Variants in KIAA0232 observed in about 807,000 individuals in gnomAD.
The protein encoded by KIAA0232 is uncharacterized protein KIAA0232.
Under a neutral mutation model 122.0 loss-of-function variants are expected in KIAA0232, and 27 were observed. That is an observed-to-expected ratio of 0.22 (90% CI 0.16 to 0.31). The LOEUF (loss-of-function observed/expected upper bound fraction) is 0.31. Ranked by LOEUF, KIAA0232 falls within the 10% of genes least tolerant of loss-of-function variation. The pLI is 1.00. For missense variants in KIAA0232, 1,551 were observed against 1,634.2 expected (o/e 0.95, Z 0.88); for synonymous variants, 613 against 587.6 (o/e 1.04, Z -0.63).
At chr4:6,856,325 G>A (rs1426845901) in intron 4 of KIAA0232, among the ~76,000 whole-genome samples, 1 of 152,114 alleles carries the variant, frequency 6.6e-6, no homozygotes, top group African/African-American at 2.4e-5. Context: ...TTTGGTCACT[G>A]AATAAATCTA....
chr4:6,864,291 T>G, intron 7 of KIAA0232, 108 bp downstream of exon 7: 1 of 1,204,198 alleles, frequency 8.3e-7, no homozygotes, highest in Non-Finnish European at 1.2e-6. Flanking sequence ...GGAAATTAGC[T>G]TAAATGTCTT....
At chr4:6,842,853 T>C (rs1009847126) in intron 4 of KIAA0232, among the ~76,000 whole-genome samples, 6 of 152,126 alleles carry the variant, frequency 3.9e-5, no homozygotes, top group African/African-American at 1.4e-4. Context: ...CCTCCCAAAG[T>C]GCTGAGATTA....
chr4:6,856,166 G>C (rs1296147239), intron 4 of KIAA0232, among the ~76,000 whole-genome samples: 2 of 152,118 alleles, frequency 1.3e-5, no homozygotes, highest in Non-Finnish European at 2.9e-5. Flanking sequence ...TATTTGTGCT[G>C]AGTCATTTTG....
chr4:6,842,466 C>G lies in KIAA0232; in HGVS notation c.369+262C>G, dbSNP rs1425114617. On this transcript the variant is annotated intron_variant, in intron 4 of 9. Transcript: ENST00000307659. ...CTTTTTCCAACTCGACTATTTCATCCTGTTATTACATTGTCTTTATTCTTT... is the reference window on the plus strand; with the variant it reads ...CTTTTTCCAACTCGACTATTTCATCGTGTTATTACATTGTCTTTATTCTTT... Among the ~76,000 whole-genome samples the G allele has an allele frequency of 2.0e-5, 3 of 152,032 alleles. No individual in the cohort carries two copies. The East Asian group carries it at 5.8e-4, about 29-fold the overall frequency.
chr4:6,838,104 G>A (rs1719433813), intron 3 of KIAA0232, among the ~76,000 whole-genome samples: 1 of 152,094 alleles, frequency 6.6e-6, no homozygotes, highest in Non-Finnish European at 1.5e-5. Context: ...AGTCTATGGA[G>A]CAATACCTTT....
intron 4 of KIAA0232, among the ~76,000 whole-genome samples, chr4:6,856,668 A>T (rs1007183521): frequency 7.8e-6 from 1 of 128,648 alleles, no homozygotes; most frequent in African/African-American, 2.9e-5. Context: ...ATGAGTGTTC[A>T]TGTTTCTTTA....
Position 6,858,457 on chromosome 4 carries a change from C to G in KIAA0232, c.469C>G (p.Pro157Ala). 6.2e-7 allele frequency: 1 copy of G among 1,607,320 alleles called. No homozygotes were observed. Among genetic ancestry groups the G allele is most frequent in the Middle Eastern group, 1.7e-4 (1 of 6,038 alleles). Residue 157 changes from proline to alanine, a missense_variant, in exon 6 of 10, where the codon CCC becomes GCC. By Grantham distance (27) the Pro-to-Ala change is conservative. Coordinates refer to ENST00000307659, the MANE Select transcript of KIAA0232 (RefSeq NM_014743.3). ...GATTCACAAAAAGTTAGAGGGGTCT[C>G]CCTCTCCAGAGGCAGAATTATCCCC... Reference protein sequence around the residue: ...EKIHKKLEGSPSPEAELSPPA... With the variant: ...EKIHKKLEGSASPEAELSPPA...
chr4:6,808,074 GA>G (rs1206199705), intron 2 of KIAA0232, among the ~76,000 whole-genome samples: 1 of 151,602 alleles, frequency 6.6e-6, no homozygotes, highest in Admixed American at 6.6e-5. Flanking sequence ...TCTCAAAAAA[GA>G]AAAAAGAAAA....
chr4:6,812,192 TA>T (rs1372554228), intron 2 of KIAA0232, among the ~76,000 whole-genome samples: 1 of 152,174 alleles, frequency 6.6e-6, no homozygotes, highest in Admixed American at 6.5e-5. Context: ...GAGTCTTTAT[TA>T]AGCTCAACAT....
chr4:6,817,494 C>T (rs887285974), intron 2 of KIAA0232, among the ~76,000 whole-genome samples: 3 of 152,176 alleles, frequency 2.0e-5, no homozygotes, highest in African/African-American at 4.8e-5. Context: ...GGATTACAGG[C>T]GTGAGCCACT....
intron 3 of KIAA0232, among the ~76,000 whole-genome samples, chr4:6,837,917 G>A (rs1560184268): frequency 6.6e-6 from 1 of 152,078 alleles, no homozygotes; most frequent in Non-Finnish European, 1.5e-5. Flanking sequence ...AGGGGAGAGG[G>A]GGAGGGGGAG....
intron 2 of KIAA0232, among the ~76,000 whole-genome samples, chr4:6,806,057 C>G (rs1198818475): frequency 1.3e-5 from 2 of 152,094 alleles, no homozygotes; most frequent in Non-Finnish European, 2.9e-5. Context: ...ATACATTTTC[C>G]TCTTCCCCTT....
intron 9 of KIAA0232, among the ~76,000 whole-genome samples, chr4:6,879,744 G>C (rs1721953972): frequency 6.6e-6 from 1 of 151,978 alleles, no homozygotes; most frequent in African/African-American, 2.4e-5. Flanking sequence ...ACAGAGTGTT[G>C]GCACCTCTGC....
chr4:6,861,928 C>A lies in KIAA0232; in HGVS notation c.1546C>A (p.Gln516Lys). Residue 516 changes from glutamine (Q) to lysine (K), a missense_variant, in exon 7 of 10, where the codon CAA becomes AAA. Physicochemically the swap from Gln to Lys is moderately conservative, Grantham distance 53 (BLOSUM62 1). Transcript: ENST00000307659. ...LTHFYEVDID[Q>K]SMLDPGASET... ...GCACTTCTATGAAGTGGATATTGATCAATCCATGTTGGATCCTGGTGCCTC... is the reference window on the plus strand; with the variant it reads ...GCACTTCTATGAAGTGGATATTGATAAATCCATGTTGGATCCTGGTGCCTC... 1 of 1,613,976 alleles carries A rather than the reference C, an allele frequency of 6.2e-7. No homozygotes were observed. The highest frequency in any genetic ancestry group is 1.1e-5 in the South Asian group (1 of 91,022).
chr4:6,816,903 A>T (rs1229818502), intron 2 of KIAA0232, among the ~76,000 whole-genome samples: 1 of 152,132 alleles, frequency 6.6e-6, no homozygotes, highest in Non-Finnish European at 1.5e-5. Context: ...AATATGCCTT[A>T]TTCTCATTTT....
rs1332876722 is a variant in KIAA0232 at position 6,842,278 on chromosome 4, T to C, written c.369+74T>C. The C allele has an allele frequency of 7.6e-6, 11 of 1,454,730 alleles. No individual in the cohort carries two copies. The African/African-American group carries it at 1.6e-4, about 21-fold the overall frequency. The allele number at this position is 1,454,730 out of a possible 1,614,324, so 90.1% of individuals were successfully genotyped here. A position where few individuals can be genotyped will look rare whatever the true frequency, so the allele number is the denominator to read the frequency against. On this transcript the variant is annotated intron_variant, in intron 4 of 9. Transcript: ENST00000307659. ...GATTTAAGTTTACAAATATGACAAC[T>C]TGACCTCCAAAAACTGGGAAAACAA...
At chr4:6,857,373 A>G (rs2108784700) in intron 5 of KIAA0232, 143 bp downstream of exon 5, 3 of 569,436 alleles carry the variant, frequency 5.3e-6, no homozygotes, top group South Asian at 3.1e-5. Flanking sequence ...GGCCAGCCTC[A>G]TGCTCCATCT....
At chr4:6,876,481 T>TC (rs1721764324) in intron 8 of KIAA0232, among the ~76,000 whole-genome samples, 179 bp from the exon 9 acceptor site, 1 of 152,190 alleles carries the variant, frequency 6.6e-6, no homozygotes, top group Non-Finnish European at 1.5e-5. Flanking sequence ...GCGTTTTTTT[T>TC]CTCTTACACA....
Position 6,871,558 on chromosome 4 carries a change from G to C in KIAA0232, c.3802-16G>C. ...AAGTTTATAAACTTTTTCTGTATTTGGTTTAATCTAAACAGTTCCCTGTAT... is the reference window on the plus strand; with the variant it reads ...AAGTTTATAAACTTTTTCTGTATTTCGTTTAATCTAAACAGTTCCCTGTAT... On this transcript the variant is annotated splice_polypyrimidine_tract_variant and intron_variant, in intron 7 of 9. Transcript: ENST00000307659. 7.2e-7 allele frequency: 1 copy of C among 1,390,992 alleles called. No individual in the cohort carries two copies. Among genetic ancestry groups the C allele is most frequent in the South Asian group, 1.2e-5 (1 of 81,336 alleles). 86.2% of individuals were successfully genotyped at this position (1,390,992 alleles called of 1,614,324 possible). A position where few individuals can be genotyped will look rare whatever the true frequency, so the allele number is the denominator to read the frequency against.
Sources: gnomAD v4.1 joint callset for allele counts (sites outside exome capture counted in the v4.1 genomes callset) on GRCh38, gnomAD v4.1.1 for gene constraint, MANE v1.5 for transcripts, NCBI Gene and HGNC (gene_info 2026-07-23, HGNC 2026-07-21) for gene names.